The following NRAP variants were observed in gnomAD, a reference collection of about 807,000 sequenced individuals.
The protein encoded by NRAP is nebulin-related-anchoring protein.
NRAP carries 189 observed loss-of-function variants against 225.9 expected under a neutral mutation model. The observed-to-expected ratio is 0.84, with a 90% CI of 0.74 to 0.94. The LOEUF is 0.94. Among genes scored for constraint, NRAP ranks in the 40% least tolerant of loss-of-function variants. The pLI, the probability that NRAP is intolerant of heterozygous loss-of-function variation, is 0.00. For missense variants in NRAP, 2,176 were observed against 2,168.7 expected, an observed-to-expected ratio of 1.00 and a Z score of -0.07; for synonymous variants, 769 against 790.7, an observed-to-expected ratio of 0.97 and a Z score of 0.46.
At chr10:113,589,608 A>AGTT (rs1361887723) in intron 41 of NRAP, 58 bp downstream of exon 41, 1 of 1,553,100 alleles carries the variant, frequency 6.4e-7, no homozygotes, top group East Asian at 2.3e-5. Flanking sequence ...AGAAACAATG[A>AGTT]GTTTGTCTTT....
chr10:113,660,064 AC>A (rs1850564769), intron 3 of NRAP, among the ~76,000 whole-genome samples: 1 of 150,228 alleles, frequency 6.7e-6, no homozygotes, highest in Non-Finnish European at 1.5e-5. Context: ...ACACACACAC[AC>A]ACACACACAC....
intron 33 of NRAP, 51 bp from the exon 34 acceptor site, chr10:113,605,920 G>A (rs374153401): frequency 7.7e-6 from 10 of 1,301,898 alleles, no homozygotes; most frequent in Middle Eastern, 1.8e-4. Context: ...ATGAATCAAC[G>A]AGCAAAGGCC....
intron 21 of NRAP, among the ~76,000 whole-genome samples, chr10:113,625,235 C>T (rs1454925756): frequency 6.6e-6 from 1 of 152,170 alleles, no homozygotes; most frequent in African/African-American, 2.4e-5. Flanking sequence ...TTGCTATTTA[C>T]ACTGTCTGTG....
chr10:113,603,218 A>T (rs549841766), intron 35 of NRAP, among the ~76,000 whole-genome samples: 27 of 152,210 alleles, frequency 1.8e-4, no homozygotes, highest in African/African-American at 6.3e-4. Context: ...CTTGGAGAGG[A>T]CATGAACTTG....
chr10:113,599,623 T>C (rs994304483), intron 35 of NRAP, among the ~76,000 whole-genome samples: 3 of 152,044 alleles, frequency 2.0e-5, no homozygotes, highest in African/African-American at 7.2e-5. Flanking sequence ...CCTCCAACTC[T>C]CTTATAAATG....
rs753056658 is a variant in NRAP at position 113,612,302 on chromosome 10, G to A, written c.3430C>T (p.Gln1144Ter). The A allele has an allele frequency of 6.2e-7, 1 of 1,614,046 alleles. No individual in the cohort carries two copies. Among genetic ancestry groups the A allele is most frequent in the Admixed American group, 1.7e-5 (1 of 60,010 alleles). The part of the protein sequence containing the change: ...SNQDYKHPLP[Q>*]YTSLAEDLRL... ...AGGTCTTCTGCCAAGGAAGTGTACT[G>A]GGGCAGTGGATGTTTGTAGTCCTGA... is the stretch of plus-strand genomic sequence containing the variant. The change falls in exon 30 of 42, where the codon CAG becomes TAG. Residue 1144 changes from glutamine (Q) to a stop codon, truncating the protein, a stop_gained. Coordinates refer to ENST00000359988, the MANE Select transcript of NRAP (RefSeq NM_198060.4). LOFTEE classifies it high-confidence loss of function.
chr10:113,642,833 C>T (rs1000747925), intron 12 of NRAP, 101 bp downstream of exon 12: 1 of 685,452 alleles, frequency 1.5e-6, no homozygotes, highest in African/African-American at 1.8e-5. Context: ...CATGCTTCTC[C>T]AAGACACATA....
intron 34 of NRAP, 67 bp from the exon 35 acceptor site, chr10:113,604,987 C>G: frequency 6.5e-7 from 1 of 1,529,744 alleles, no homozygotes; most frequent in Non-Finnish European, 8.9e-7. Flanking sequence ...AGAAAAATCA[C>G]TTGTTCTTAC....
At position 113,595,667 on chromosome 10, in the gene NRAP, G is replaced by A. The variant is rs766730491; in HGVS notation, c.4492C>T (p.Pro1498Ser). The change falls in exon 38 of 42, where the codon CCC (proline) becomes TCC (serine). Residue 1498 changes from proline (P) to serine (S), a missense_variant. Physicochemically the swap from Pro to Ser is moderately conservative, Grantham distance 74. Transcript: ENST00000359988. Reference protein sequence around the residue: ...LHRYTLIPDHPDFTRARLNAL... With the variant: ...LHRYTLIPDHSDFTRARLNAL... The stretch of plus-strand genomic sequence containing the variant: ...TTGAGGCGAGCTCGGGTGAAATCGG[G>A]ATGGTCGGGGATCAGGGTGTATCTG... 31 of 1,613,914 alleles carry A rather than the reference G, an allele frequency of 1.9e-5. No individual in the cohort carries two copies. In the South Asian group the frequency reaches 3.3e-4, roughly 17 times the overall value.
chr10:113,629,377 CT>C (rs1380386373), intron 19 of NRAP, among the ~76,000 whole-genome samples: 3 of 152,202 alleles, frequency 2.0e-5, no homozygotes, highest in African/African-American at 7.2e-5. Context: ...CACATCTTGA[CT>C]TTAGCATTAG....
intron 3 of NRAP, among the ~76,000 whole-genome samples, 170 bp from the exon 4 acceptor site, chr10:113,657,744 C>T (rs779687918): frequency 1.3e-5 from 2 of 152,222 alleles, no homozygotes; most frequent in Non-Finnish European, 2.9e-5. Context: ...TTAATCTGCA[C>T]CTCCAACCAG....
intron 35 of NRAP, among the ~76,000 whole-genome samples, chr10:113,601,021 G>A (rs1846565635): frequency 1.3e-5 from 2 of 152,166 alleles, no homozygotes; most frequent in African/African-American, 4.8e-5. Flanking sequence ...TCCTGCATGT[G>A]CCTTTCCGGA....
At chr10:113,629,513 C>CTCTG in intron 19 of NRAP, 75 bp downstream of exon 19, 2 of 1,051,088 alleles carry the variant, frequency 1.9e-6, no homozygotes, top group Admixed American at 3.5e-5. Context: ...GACTCGTGCA[C>CTCTG]AGGTTTGAAA....
chr10:113,611,126 C>A (rs1847292998), intron 30 of NRAP, among the ~76,000 whole-genome samples: 1 of 152,174 alleles, frequency 6.6e-6, no homozygotes, highest in African/African-American at 2.4e-5. Flanking sequence ...CAGTGAGGCG[C>A]CCCCTGGGCG....
chr10:113,662,238 T>C (rs1467417198), intron 3 of NRAP, among the ~76,000 whole-genome samples: 8 of 152,204 alleles, frequency 5.3e-5, no homozygotes, highest in Non-Finnish European at 1.2e-4. Flanking sequence ...TGTTAATCGG[T>C]ATATAATATT....
intron 27 of NRAP, 130 bp downstream of exon 27, chr10:113,615,582 A>G: frequency 1.5e-6 from 1 of 676,088 alleles, no homozygotes; most frequent in Non-Finnish European, 2.7e-6. Context: ...AAAATATCAC[A>G]TATTTCAAGG....
At chr10:113,629,453 C>G (rs1848461527) in intron 19 of NRAP, 135 bp downstream of exon 19, 4 of 659,466 alleles carry the variant, frequency 6.1e-6, no homozygotes. Flanking sequence ...CCTTTCTGGC[C>G]CCCTGGTACA....
chr10:113,623,501 C>G (rs757555834), intron 23 of NRAP, 28 bp downstream of exon 23: 1 of 1,487,278 alleles, frequency 6.7e-7, no homozygotes, highest in Non-Finnish European at 9.4e-7. Context: ...ATTCTGCGGT[C>G]TCTTGTACAA....
intron 29 of NRAP, among the ~76,000 whole-genome samples, chr10:113,613,527 T>C (rs1030298492): frequency 6.6e-5 from 10 of 152,318 alleles, no homozygotes; most frequent in Middle Eastern, 3.4e-3. Context: ...ACATGCTGGA[T>C]ACAGATTTCA....
Sources: gnomAD v4.1 joint callset for allele counts (sites outside exome capture counted in the v4.1 genomes callset) on GRCh38, gnomAD v4.1.1 for gene constraint, MANE v1.5 for transcripts, NCBI Gene and HGNC (gene_info 2026-07-23, HGNC 2026-07-21) for gene names.